The following PALLD variants were observed in gnomAD, a reference collection of about 807,000 sequenced individuals.
PALLD encodes palladin, cytoskeletal associated protein.
Under a neutral mutation model 123.5 loss-of-function variants are expected in PALLD, and 61 were observed. That is an observed-to-expected ratio of 0.49 (90% CI 0.40 to 0.61). The LOEUF (loss-of-function observed/expected upper bound fraction) is 0.61. PALLD is among the 20% of genes least tolerant of loss of function. The pLI, the probability that PALLD is intolerant of heterozygous loss-of-function variation, is 0.00. For missense variants in PALLD, 1,273 were observed against 1,377.0 expected (o/e 0.92, Z 1.20); for synonymous variants, 465 against 496.4 (o/e 0.94, Z 0.84).
chr4:168,803,693 A>G (rs1055624593), intron 10 of PALLD, among the ~76,000 whole-genome samples: 12 of 151,484 alleles, frequency 7.9e-5, no homozygotes, highest in Non-Finnish European at 1.8e-4. Flanking sequence ...TCAAAAAAAA[A>G]AAAAAGAAAA....
chr4:168,589,581 T>G (rs569443855), intron 2 of PALLD, among the ~76,000 whole-genome samples: 7 of 134,056 alleles, frequency 5.2e-5, no homozygotes, highest in Non-Finnish European at 1.0e-4. Flanking sequence ...TGAGTCAATT[T>G]CTTCACATTT....
At chr4:168,723,470 A>C (rs948972915) in intron 10 of PALLD, among the ~76,000 whole-genome samples, 1 of 152,218 alleles carries the variant, frequency 6.6e-6, no homozygotes, top group African/African-American at 2.4e-5. Context: ...AGGTTTGAGG[A>C]AGCAGAGTTT....
At chr4:168,707,285 C>T (rs1431600605) in intron 8 of PALLD, among the ~76,000 whole-genome samples, 1 of 152,210 alleles carries the variant, frequency 6.6e-6, no homozygotes, top group Non-Finnish European at 1.5e-5. Flanking sequence ...CTTAAAGCAG[C>T]AACCATAATT....
intron 14 of PALLD, among the ~76,000 whole-genome samples, chr4:168,901,291 C>T (rs1411883937): frequency 6.6e-6 from 1 of 152,070 alleles, no homozygotes; most frequent in Non-Finnish European, 1.5e-5. Context: ...TTATTCCTCC[C>T]TTGACATGCT....
At chr4:168,505,836 T>C (rs1408057331) in intron 1 of PALLD, among the ~76,000 whole-genome samples, 1 of 152,242 alleles carries the variant, frequency 6.6e-6, no homozygotes, top group Non-Finnish European at 1.5e-5. Flanking sequence ...AGTCATTAGG[T>C]AGCTAATGTT....
chr4:168,695,283 T>G (rs1450567396), intron 8 of PALLD, among the ~76,000 whole-genome samples: 1 of 152,162 alleles, frequency 6.6e-6, no homozygotes, highest in East Asian at 1.9e-4. Context: ...GGATGTTTCT[T>G]GAGATCCCAG....
chr4:168,789,863 A>T (rs1210746339), intron 10 of PALLD, among the ~76,000 whole-genome samples: 2 of 152,188 alleles, frequency 1.3e-5, no homozygotes, highest in Non-Finnish European at 2.9e-5. Flanking sequence ...TTAAGGAAAA[A>T]GTATAATCTA....
At chr4:168,706,619 C>CCAT (rs1784254475) in intron 8 of PALLD, among the ~76,000 whole-genome samples, 1 of 152,076 alleles carries the variant, frequency 6.6e-6, no homozygotes, top group Non-Finnish European at 1.5e-5. Flanking sequence ...AACCAGATTA[C>CCAT]CATCAGCATC....
intron 10 of PALLD, among the ~76,000 whole-genome samples, chr4:168,758,199 T>C (rs1031996437): frequency 1.3e-5 from 2 of 152,188 alleles, no homozygotes; most frequent in African/African-American, 4.8e-5. Context: ...TCCTTCCTGC[T>C]ATTTTTTTTT....
intron 11 of PALLD, among the ~76,000 whole-genome samples, chr4:168,891,371 G>C (rs1452034472): frequency 6.6e-6 from 1 of 152,088 alleles, no homozygotes; most frequent in Non-Finnish European, 1.5e-5. Flanking sequence ...ATGTTGCTTA[G>C]GCTGGTTTCA....
intron 10 of PALLD, among the ~76,000 whole-genome samples, chr4:168,875,725 A>C (rs994543236): frequency 6.6e-6 from 1 of 152,214 alleles, no homozygotes; most frequent in East Asian, 1.9e-4. Flanking sequence ...CTTTAAGCCC[A>C]CTTGGGTTAG....
At chr4:168,524,791 G>A (rs1763891537) in intron 2 of PALLD, among the ~76,000 whole-genome samples, 1 of 152,160 alleles carries the variant, frequency 6.6e-6, no homozygotes, top group Non-Finnish European at 1.5e-5. Flanking sequence ...AAAGAGCCAT[G>A]ATTGATTCTT....
chr4:168,748,884 G>A (rs1199757771), intron 10 of PALLD, among the ~76,000 whole-genome samples: 1 of 152,186 alleles, frequency 6.6e-6, no homozygotes, highest in Non-Finnish European at 1.5e-5. Context: ...AGGCCAGCAG[G>A]AGTCTCTCTC....
intron 2 of PALLD, among the ~76,000 whole-genome samples, chr4:168,655,978 A>C (rs898826028): frequency 1.3e-5 from 2 of 152,198 alleles, no homozygotes; most frequent in Admixed American, 6.5e-5. Context: ...CCCTTTGCCT[A>C]GTTTGACTTT....
chr4:168,697,968 AAGTATCC>A, intron 8 of PALLD, among the ~76,000 whole-genome samples: 1 of 152,236 alleles, frequency 6.6e-6, no homozygotes, highest in East Asian at 1.9e-4. Context: ...GAAGCAACCT[AAGTATCC>A]ATCAACAGAT....
intron 10 of PALLD, chr4:168,712,393 G>T (rs1300884587): frequency 1.4e-5 from 3 of 218,594 alleles, no homozygotes; most frequent in South Asian, 1.1e-4. Flanking sequence ...GCAGATCCTG[G>T]CAGGGCAATG....
At chr4:168,680,468 C>A (rs1781433508) in intron 3 of PALLD, among the ~76,000 whole-genome samples, 1 of 107,296 alleles carries the variant, frequency 9.3e-6, no homozygotes. Flanking sequence ...GGTGACAGAG[C>A]AAGATTCCGT....
chr4:168,709,024 C>A lies in PALLD; in HGVS notation c.1502-4C>A. 1 of 1,613,380 alleles carries A rather than the reference C, an allele frequency of 6.2e-7. No homozygotes were observed. The highest frequency in any genetic ancestry group is 8.5e-7 in the Non-Finnish European group (1 of 1,179,386). ...ATGAATGATTCTGTTCTCTTCACTTCCAGAGGAGATTTGCACCCTAGTTAT... is the reference window on the plus strand; with the variant it reads ...ATGAATGATTCTGTTCTCTTCACTTACAGAGGAGATTTGCACCCTAGTTAT... On this transcript the variant is annotated splice_region_variant and splice_polypyrimidine_tract_variant and intron_variant, in intron 8 of 21. Coordinates refer to ENST00000505667, the MANE Select transcript of PALLD (RefSeq NM_001166108.2).
At chr4:168,606,649 G>A (rs574895487) in intron 2 of PALLD, among the ~76,000 whole-genome samples, 163 of 140,598 alleles carry the variant, frequency 1.2e-3, no homozygotes, top group African/African-American at 3.9e-3. Context: ...GGGGGACAGA[G>A]CGAGACTCCG....
Sources: allele counts gnomAD v4.1 joint callset (sites outside exome capture counted in the v4.1 genomes callset), GRCh38; gene constraint gnomAD v4.1.1; transcripts MANE v1.5; gene names NCBI Gene and HGNC (gene_info 2026-07-23, HGNC 2026-07-21).